The following NXPE2 variants were observed in gnomAD, a reference collection of about 807,000 sequenced individuals.
NXPE2 encodes NXPE family member 2.
NXPE2 carries 34 observed loss-of-function variants against 34.4 expected under a neutral mutation model. The observed-to-expected ratio is 0.99, with a 90% CI of 0.75 to 1.31. NXPE2 has a LOEUF of 1.31. NXPE2 is among the 40% of genes most tolerant of loss of function. NXPE2 has a pLI of 0.00. For missense variants in NXPE2, 649 were observed against 672.5 expected, an observed-to-expected ratio of 0.97 and a Z score of 0.39; for synonymous variants, 235 against 231.3, an observed-to-expected ratio of 1.02 and a Z score of -0.15.
At chr11:114,755,259 TGG>T in the NXPE2 span, among the ~76,000 whole-genome samples, 167 of 152,278 alleles carry the variant, frequency 1.1e-3, no homozygotes, top group African/African-American at 3.9e-3. Flanking sequence ...ATAGGCTGTG[TGG>T]GGGATGTACT....
the NXPE2 span, among the ~76,000 whole-genome samples, chr11:114,637,906 T>G: frequency 1.3e-5 from 2 of 152,024 alleles, 1 homozygote; most frequent in Non-Finnish European, 2.9e-5. Context: ...ATTTTTTCCT[T>G]CCTTTCAACT....
chr11:114,701,029 C>T (rs764568612), intron 3 of NXPE2, among the ~76,000 whole-genome samples: 4 of 152,080 alleles, frequency 2.6e-5, no homozygotes, highest in Non-Finnish European at 5.9e-5. Flanking sequence ...ACAGCCTCTC[C>T]CTTTCACCCC....
At chr11:114,545,913 T>C in the NXPE2 span, among the ~76,000 whole-genome samples, 2 of 152,010 alleles carry the variant, frequency 1.3e-5, no homozygotes, top group African/African-American at 4.8e-5. Flanking sequence ...ATGGTCTCGA[T>C]AGCTTGACTT....
chr11:114,567,672 G>T, the NXPE2 span, among the ~76,000 whole-genome samples: 31,584 of 151,732 alleles, frequency 0.21, 4,343 homozygotes, highest in African/African-American at 0.38. Flanking sequence ...TTAGTTACAA[G>T]GATGAGAAAG....
the NXPE2 span, among the ~76,000 whole-genome samples, chr11:114,777,008 A>G: frequency 2.5e-4 from 38 of 152,242 alleles, 1 homozygote; most frequent in Admixed American, 7.2e-4. Context: ...TTATTCCTAA[A>G]CAATAATTAT....
chr11:114,786,699 C>T, the NXPE2 span, among the ~76,000 whole-genome samples: 5 of 152,150 alleles, frequency 3.3e-5, no homozygotes, highest in Non-Finnish European at 5.9e-5. Flanking sequence ...ACACCCATAT[C>T]ATTGTTTCTA....
chr11:114,681,415 T>C (rs928227699), intron 2 of NXPE2, among the ~76,000 whole-genome samples: 1 of 152,186 alleles, frequency 6.6e-6, no homozygotes, highest in African/African-American at 2.4e-5. Flanking sequence ...AGCATGTGTA[T>C]GGCCCAAATG....
At chr11:114,776,281 C>T in the NXPE2 span, among the ~76,000 whole-genome samples, 2 of 152,242 alleles carry the variant, frequency 1.3e-5, no homozygotes, top group South Asian at 2.1e-4. Context: ...CAACAACCTG[C>T]GGGTTGCTAT....
the NXPE2 span, among the ~76,000 whole-genome samples, chr11:114,639,136 G>A: frequency 0.092 from 13,989 of 152,004 alleles, 814 homozygotes; most frequent in Middle Eastern, 0.2. Flanking sequence ...CGAGCTTCCC[G>A]GCTGCTTTGT....
At chr11:114,633,579 C>T in the NXPE2 span, among the ~76,000 whole-genome samples, 1 of 151,484 alleles carries the variant, frequency 6.6e-6, no homozygotes, top group East Asian at 1.9e-4. Flanking sequence ...CGTCATTTAG[C>T]ATTAGGTATA....
chr11:114,535,658 A>G, the NXPE2 span, among the ~76,000 whole-genome samples: 2 of 152,216 alleles, frequency 1.3e-5, no homozygotes, highest in Non-Finnish European at 2.9e-5. Context: ...ACAGACTTAA[A>G]CCAACAAAGA....
At chr11:114,659,886 A>G in the NXPE2 span, among the ~76,000 whole-genome samples, 1 of 152,098 alleles carries the variant, frequency 6.6e-6, no homozygotes, top group Non-Finnish European at 1.5e-5. Context: ...AAACAAAGCT[A>G]ATTCTTTGTA....
the NXPE2 span, among the ~76,000 whole-genome samples, chr11:114,738,048 C>T: frequency 2.0e-5 from 3 of 152,144 alleles, no homozygotes; most frequent in South Asian, 6.2e-4. Flanking sequence ...GATCGTGCCA[C>T]TGCACTTCAG....
At chr11:114,757,645 G>A in the NXPE2 span, among the ~76,000 whole-genome samples, 35 of 152,210 alleles carry the variant, frequency 2.3e-4, no homozygotes, top group Non-Finnish European at 4.3e-4. Flanking sequence ...ATTTCAGTGA[G>A]TGAAACCAAA....
At chr11:114,650,173 C>G in the NXPE2 span, among the ~76,000 whole-genome samples, 1 of 152,160 alleles carries the variant, frequency 6.6e-6, no homozygotes, top group Admixed American at 6.5e-5. Context: ...TAAAGAGGAA[C>G]AAGCCCTTTC....
the NXPE2 span, among the ~76,000 whole-genome samples, chr11:114,641,815 A>G: frequency 6.6e-6 from 1 of 152,098 alleles, no homozygotes; most frequent in Non-Finnish European, 1.5e-5. Flanking sequence ...GAAAAAGGGT[A>G]TATCACATCT....
At chr11:114,613,255 T>A in the NXPE2 span, among the ~76,000 whole-genome samples, 1 of 151,868 alleles carries the variant, frequency 6.6e-6, no homozygotes, top group Non-Finnish European at 1.5e-5. Flanking sequence ...CGGTGGATAA[T>A]AAGCATTGCC....
intron 4 of NXPE2, 121 bp from the exon 5 acceptor site, chr11:114,705,660 A>G (rs1951457489): frequency 1.8e-6 from 1 of 568,634 alleles, no homozygotes; most frequent in African/African-American, 2.0e-5. Context: ...AGAGGAAGGC[A>G]AAATAGAGCT....
the NXPE2 span, among the ~76,000 whole-genome samples, chr11:114,668,926 A>G: frequency 6.6e-6 from 1 of 152,106 alleles, no homozygotes; most frequent in Non-Finnish European, 1.5e-5. Flanking sequence ...AAATGACTGA[A>G]TTTTGATTAG....
Sources: allele counts gnomAD v4.1 joint callset (sites outside exome capture counted in the v4.1 genomes callset), GRCh38; gene constraint gnomAD v4.1.1; transcripts MANE v1.5; gene names NCBI Gene and HGNC (gene_info 2026-07-23, HGNC 2026-07-21).